The following SLCO1A2 variants were observed in gnomAD, a reference collection of about 807,000 sequenced individuals.
SLCO1A2 encodes the protein OATP-1.
In SLCO1A2, 67 loss-of-function variants were observed where a neutral mutation model predicts 69.0. The ratio of observed to expected loss-of-function variants is 0.97; its 90% CI spans 0.80 to 1.19. SLCO1A2 has a LOEUF of 1.19. SLCO1A2 is among the 50% of genes most tolerant of loss of function. SLCO1A2 has a pLI of 0.00. For synonymous variants in SLCO1A2, 260 were observed against 265.9 expected (o/e 0.98, Z 0.22); for missense variants, 787 against 793.7 (o/e 0.99, Z 0.10).
chr12:21,309,705 G>A (rs1320034374), intron 4 of SLCO1A2, among the ~76,000 whole-genome samples: 1 of 152,036 alleles, frequency 6.6e-6, no homozygotes, highest in Non-Finnish European at 1.5e-5. Context: ...ACAAAAACAA[G>A]TGAAGAGGAA....
At chr12:21,346,435 C>A (rs1340703059) in intron 2 of SLCO1A2, among the ~76,000 whole-genome samples, 6 of 150,898 alleles carry the variant, frequency 4.0e-5, no homozygotes, top group Non-Finnish European at 8.8e-5. Flanking sequence ...TTTTTGTGTT[C>A]AGAAAAATGT....
chr12:21,372,672 A>C (rs7137767), intron 2 of SLCO1A2, among the ~76,000 whole-genome samples: 67,339 of 152,090 alleles, frequency 0.44, 15,123 homozygotes, highest in Middle Eastern at 0.51. Context: ...GGCAAATTCA[A>C]ACTTCTGCTG....
chr12:21,366,532 C>G (rs1365825152), intron 2 of SLCO1A2, among the ~76,000 whole-genome samples: 1 of 151,560 alleles, frequency 6.6e-6, no homozygotes, highest in African/African-American at 2.4e-5. Context: ...TACCCTAGAA[C>G]CTTAAGTAAA....
chr12:21,338,180 C>A (rs1277384892), upstream of SLCO1A2, among the ~76,000 whole-genome samples: 3 of 151,916 alleles, frequency 2.0e-5, no homozygotes, highest in Non-Finnish European at 1.5e-5. Flanking sequence ...CCAGCATTTT[C>A]CACACTTGAT....
At chr12:21,306,199 G>C (rs1336368528) in intron 5 of SLCO1A2, among the ~76,000 whole-genome samples, 1 of 152,194 alleles carries the variant, frequency 6.6e-6, no homozygotes, top group Non-Finnish European at 1.5e-5. Context: ...CAAATCTCTT[G>C]AACTTTGTTT....
chr12:21,293,204 G>A (rs184336133), intron 11 of SLCO1A2, among the ~76,000 whole-genome samples: 105 of 152,240 alleles, frequency 6.9e-4, no homozygotes, highest in African/African-American at 2.3e-3. Flanking sequence ...TCAGGAGGCT[G>A]AGGCAGGAGA....
intron 2 of SLCO1A2, among the ~76,000 whole-genome samples, chr12:21,350,112 G>A (rs1217220478): frequency 1.3e-5 from 2 of 152,040 alleles, no homozygotes; most frequent in Non-Finnish European, 2.9e-5. Flanking sequence ...AGGTAACATT[G>A]GTAGAGATCT....
chr12:21,353,036 T>C (rs887416060), intron 2 of SLCO1A2, among the ~76,000 whole-genome samples: 6 of 152,146 alleles, frequency 3.9e-5, no homozygotes, highest in Non-Finnish European at 8.8e-5. Flanking sequence ...AACAGAATAT[T>C]CCCCCTTAAA....
intron 8 of SLCO1A2, among the ~76,000 whole-genome samples, chr12:21,298,481 G>T (rs1948093493): frequency 6.6e-6 from 1 of 152,036 alleles, no homozygotes; most frequent in African/African-American, 2.4e-5. Flanking sequence ...CACAATCTTG[G>T]TTTGCTTAAT....
chr12:21,364,697 A>C (rs1463481508), intron 2 of SLCO1A2, among the ~76,000 whole-genome samples: 1 of 152,208 alleles, frequency 6.6e-6, no homozygotes, highest in Non-Finnish European at 1.5e-5. Context: ...ACTTCAGCAA[A>C]ATCTCAGGAT....
intron 2 of SLCO1A2, among the ~76,000 whole-genome samples, chr12:21,365,561 C>T (rs1939308727): frequency 6.6e-6 from 1 of 152,134 alleles, no homozygotes; most frequent in East Asian, 1.9e-4. Context: ...ACTAATTGAA[C>T]TAAAGAGCTT....
At chr12:21,347,976 C>A (rs1565510563) in intron 2 of SLCO1A2, among the ~76,000 whole-genome samples, 1 of 152,182 alleles carries the variant, frequency 6.6e-6, no homozygotes, top group Non-Finnish European at 1.5e-5. Flanking sequence ...TCCAGCCAAA[C>A]CATTGTGCTA....
At chr12:21,286,625 G>C (rs1945852936) in intron 12 of SLCO1A2, among the ~76,000 whole-genome samples, 1 of 125,934 alleles carries the variant, frequency 7.9e-6, no homozygotes. Flanking sequence ...CAAGGCTACA[G>C]TAACCAAAAC....
At chr12:21,410,079 G>T (rs1264879285) in intron 1 of SLCO1A2, among the ~76,000 whole-genome samples, 2 of 152,042 alleles carry the variant, frequency 1.3e-5, no homozygotes, top group African/African-American at 2.4e-5. Context: ...TTCAGGCATG[G>T]TATACTTTTA....
intron 2 of SLCO1A2, chr12:21,324,594 G>C (rs1053099016): frequency 6.6e-6 from 1 of 152,080 alleles, no homozygotes; most frequent in Non-Finnish European, 1.5e-5. Context: ...GAATACTCAC[G>C]GTTTCCAAAT....
At chr12:21,310,043 A>C (rs1199048300) in intron 4 of SLCO1A2, among the ~76,000 whole-genome samples, 1 of 152,248 alleles carries the variant, frequency 6.6e-6, no homozygotes, top group African/African-American at 2.4e-5. Flanking sequence ...ATCTAGGGAA[A>C]ATAAAAAGTT....
rs1331916013 is a variant in SLCO1A2, at chr12:21,268,484, T to C, written c.*1064A>G. 2.6e-5 allele frequency: 4 copies of C among 152,228 alleles called. No individual in the cohort carries two copies. The highest frequency in any genetic ancestry group is 9.6e-5 in the African/African-American group (4 of 41,574). The allele number at this position is 152,228 out of a possible 1,614,324, so 9.4% of individuals were successfully genotyped here. A position where few individuals can be genotyped will look rare whatever the true frequency, so the allele number is the denominator to read the frequency against. ...GTATTTGTCTGTTCATTCTATTCTC[T>C]TTTACCAGAAGCCCTATATTAATCA... On this transcript the variant is annotated 3_prime_UTR_variant, in exon 15 of 15. Transcript: ENST00000683939.
intron 1 of SLCO1A2, among the ~76,000 whole-genome samples, chr12:21,402,667 G>A (rs1457070548): frequency 6.6e-6 from 1 of 152,046 alleles, no homozygotes; most frequent in African/African-American, 2.4e-5. Flanking sequence ...TATACATGCT[G>A]ACCTAGAGGG....
intron 2 of SLCO1A2, among the ~76,000 whole-genome samples, chr12:21,370,658 C>T (rs1939717158): frequency 6.6e-6 from 1 of 151,930 alleles, no homozygotes; most frequent in African/African-American, 2.4e-5. Context: ...CCCTTAACAT[C>T]TTAGAGAAAC....
Sources: allele counts gnomAD v4.1 joint callset (sites outside exome capture counted in the v4.1 genomes callset), GRCh38; gene constraint gnomAD v4.1.1; transcripts MANE v1.5; gene names NCBI Gene and HGNC (gene_info 2026-07-23, HGNC 2026-07-21).